The following NINL variants were observed in gnomAD, a reference collection of about 807,000 sequenced individuals.
NINL encodes the protein ninein like.
NINL carries 153 observed loss-of-function variants against 160.3 expected under a neutral mutation model. That is an observed-to-expected ratio of 0.95 (90% CI 0.84 to 1.09). The LOEUF (loss-of-function observed/expected upper bound fraction) is 1.09, where lower values mean the gene tolerates loss of function less well. NINL is among the 50% of genes least tolerant of loss of function. The pLI, the probability that NINL is intolerant of heterozygous loss-of-function variation, is 0.00. For synonymous variants in NINL, 800 were observed against 734.8 expected (o/e 1.09, Z -1.43); for missense variants, 1,829 against 1,764.0 (o/e 1.04, Z -0.66).
rs1175996217 is a variant in NINL at position 25,505,076 on chromosome 20, G to T, written c.520C>A (p.Gln174Lys). The stretch of plus-strand genomic sequence containing the variant: ...TCCTCAGAATCCCAGGTCTGCAGCT[G>T]TCCTGAAGCAAGGGAGGAGTCACAG... ...AQNELFEAQG[Q>K]LQTWDSEDFG... The change falls in exon 6 of 24, where the codon CAG becomes AAG. Residue 174 changes from glutamine to lysine, a missense_variant and splice_region_variant. By Grantham distance (53) the Gln-to-Lys change is moderately conservative. Coordinates refer to ENST00000278886, the MANE Select transcript of NINL (RefSeq NM_025176.6). 6.3e-7 allele frequency: 1 copy of T among 1,578,468 alleles called. No homozygotes were observed. The highest frequency in any genetic ancestry group is 1.4e-5 in the African/African-American group (1 of 73,830).
chr20:25,501,987 T>A (rs758286191), intron 7 of NINL, among the ~76,000 whole-genome samples: 41 of 152,210 alleles, frequency 2.7e-4, no homozygotes, highest in African/African-American at 7.9e-4. Context: ...AAATTAAATT[T>A]ATTTATTTAT....
intron 19 of NINL, 130 bp from the exon 20 acceptor site, chr20:25,462,671 T>C: frequency 2.2e-6 from 1 of 452,500 alleles, no homozygotes; most frequent in South Asian, 2.4e-5. Flanking sequence ...GTTTTGTTTT[T>C]CAAGACAGGC....
At chr20:25,511,095 T>C (rs1254496559) in intron 4 of NINL, among the ~76,000 whole-genome samples, 1 of 152,200 alleles carries the variant, frequency 6.6e-6, no homozygotes, top group African/African-American at 2.4e-5. Flanking sequence ...TGCATGGTGA[T>C]GGCTTCAGAC....
At chr20:25,515,241 G>A (rs888561821) in intron 3 of NINL, among the ~76,000 whole-genome samples, 1 of 152,250 alleles carries the variant, frequency 6.6e-6, no homozygotes, top group Non-Finnish European at 1.5e-5. Context: ...AAGACATGGA[G>A]TCAAAGGAAA....
intron 2 of NINL, among the ~76,000 whole-genome samples, chr20:25,523,947 T>C (rs1189298373): frequency 2.0e-5 from 3 of 152,232 alleles, no homozygotes; most frequent in Admixed American, 6.5e-5. Context: ...CCCAGATATG[T>C]AGTATTTGAA....
intron 17 of NINL, among the ~76,000 whole-genome samples, chr20:25,470,395 G>C (rs1017202311): frequency 5.3e-5 from 8 of 152,222 alleles, no homozygotes; most frequent in Admixed American, 1.3e-4. Context: ...AACTGCTCCT[G>C]CATCTATGGC....
chr20:25,508,957 C>A (rs1390138695), intron 5 of NINL, among the ~76,000 whole-genome samples: 1 of 152,234 alleles, frequency 6.6e-6, no homozygotes, highest in African/African-American at 2.4e-5. Flanking sequence ...TTCCCTCTTC[C>A]TTTCAGCCTG....
intron 4 of NINL, among the ~76,000 whole-genome samples, chr20:25,512,060 C>A (rs996462027): frequency 5.3e-5 from 8 of 152,150 alleles, no homozygotes; most frequent in African/African-American, 1.7e-4. Flanking sequence ...TGAAGCCCCA[C>A]GAGACTCTGG....
At chr20:25,521,453 T>C (rs1259952102) in intron 2 of NINL, among the ~76,000 whole-genome samples, 2 of 152,256 alleles carry the variant, frequency 1.3e-5, no homozygotes, top group African/African-American at 4.8e-5. Flanking sequence ...TTTCTGCTAG[T>C]TCTTGCTCAT....
chr20:25,500,792 G>T (rs749735020), intron 8 of NINL, 48 bp downstream of exon 8: 2 of 1,583,688 alleles, frequency 1.3e-6, no homozygotes, highest in Non-Finnish European at 8.6e-7. Context: ...TGCAGCAGAC[G>T]GGCCCCCCAG....
intron 18 of NINL, among the ~76,000 whole-genome samples, chr20:25,469,255 C>T (rs75502997): frequency 1.7e-5 from 2 of 117,572 alleles, no homozygotes; most frequent in African/African-American, 3.3e-5. Flanking sequence ...CATTGGTGGG[C>T]ACCCCCCTAC....
intron 23 of NINL, 119 bp from the exon 24 acceptor site, chr20:25,453,761 T>A: frequency 1.1e-6 from 1 of 921,084 alleles, no homozygotes; most frequent in South Asian, 2.0e-5. Flanking sequence ...CTTAGAAATC[T>A]GACCCAAGGC....
chr20:25,462,371 GAGGCCACCCA>G lies in NINL; in HGVS notation c.3582+2_3582+11del. The G allele has an allele frequency of 7.8e-7, 1 of 1,284,588 alleles. No homozygotes were observed. The highest frequency in any genetic ancestry group is 1.6e-5 in the South Asian group (1 of 62,380). The allele number at this position is 1,284,588 out of a possible 1,614,324, so 79.6% of individuals were successfully genotyped here. A position where few individuals can be genotyped will look rare whatever the true frequency, so the allele number is the denominator to read the frequency against. ...GCCTCCAGCTCAGCTCCCTGCGGCT[GAGGCCACCCA>G]CCTGCTGCTGCCCACTGCGAACCAC... On this transcript the variant is annotated splice_donor_variant and splice_donor_5th_base_variant and intron_variant, in intron 20 of 23. Transcript: ENST00000278886. LOFTEE classifies it high-confidence loss of function.
intron 1 of NINL, among the ~76,000 whole-genome samples, chr20:25,531,373 G>A (rs1338936478): frequency 1.3e-5 from 2 of 152,198 alleles, no homozygotes; most frequent in African/African-American, 4.8e-5. Context: ...TTACGAAAAT[G>A]ATGATGAGAT....
intron 11 of NINL, 147 bp from the exon 12 acceptor site, chr20:25,490,132 G>A: frequency 1.4e-6 from 1 of 734,942 alleles, no homozygotes; most frequent in Non-Finnish European, 2.3e-6. Flanking sequence ...GTGCTGTGCA[G>A]GCGGCTGTGC....
At chr20:25,527,875 G>C (rs1207399377) in intron 1 of NINL, among the ~76,000 whole-genome samples, 3 of 151,958 alleles carry the variant, frequency 2.0e-5, no homozygotes, top group Non-Finnish European at 2.9e-5. Context: ...TTATATTTAA[G>C]AAAATAGTTA....
chr20:25,561,268 A>T (rs1027632981), intron 1 of NINL, among the ~76,000 whole-genome samples: 23 of 152,128 alleles, frequency 1.5e-4, no homozygotes, highest in Non-Finnish European at 3.1e-4. Flanking sequence ...CCAGCTCCTA[A>T]GCGCGAGTGA....
intron 1 of NINL, among the ~76,000 whole-genome samples, chr20:25,534,700 A>T (rs1208375188): frequency 6.6e-6 from 1 of 152,206 alleles, no homozygotes; most frequent in African/African-American, 2.4e-5. Flanking sequence ...GTGGTATATG[A>T]CTATATGTAC....
chr20:25,526,778 T>C (rs567140507), intron 1 of NINL, among the ~76,000 whole-genome samples, 180 bp from the exon 2 acceptor site: 3 of 152,306 alleles, frequency 2.0e-5, no homozygotes, highest in African/African-American at 7.2e-5. Flanking sequence ...AGCTCCACCC[T>C]TGCAGGAGAG....
Sources: allele counts gnomAD v4.1 joint callset (sites outside exome capture counted in the v4.1 genomes callset), GRCh38; gene constraint gnomAD v4.1.1; transcripts MANE v1.5; gene names NCBI Gene and HGNC (gene_info 2026-07-23, HGNC 2026-07-21).